The following EXOSC10 variants were observed in gnomAD, a reference collection of about 807,000 sequenced individuals.
EXOSC10 encodes the protein exosome complex component 10.
EXOSC10 carries 94 observed loss-of-function variants against 126.6 expected under a neutral mutation model. That is an observed-to-expected ratio of 0.74 (90% CI 0.63 to 0.88). The LOEUF (loss-of-function observed/expected upper bound fraction) is 0.88, where lower values mean the gene tolerates loss of function less well. EXOSC10 is among the 40% of genes least tolerant of loss of function. The pLI, the probability that EXOSC10 is intolerant of heterozygous loss-of-function variation, is 0.00. For missense variants in EXOSC10, 1,041 were observed against 1,100.5 expected (o/e 0.95, Z 0.77); for synonymous variants, 395 against 400.8 (o/e 0.99, Z 0.17).
chr1:11,075,354 T>C (rs1639750049), intron 17 of EXOSC10, among the ~76,000 whole-genome samples: 1 of 152,166 alleles, frequency 6.6e-6, no homozygotes. Flanking sequence ...TAGGGAATCA[T>C]TGAAATTATG....
In EXOSC10 at chr1:11,090,630, G is replaced by A. The variant is rs1362989620; in HGVS notation, c.682C>T (p.Pro228Ser). ...GCAGGGGGGACGTCCAAGTCCTCAG[G>A]ACGATCCTGTGGGCGTTCCCGCCTT... is the stretch of plus-strand genomic sequence containing the variant. The part of the protein sequence containing the change: ...KERRERPQDR[P>S]EDLDVPPALA... The change falls in exon 6 of 25, where the codon CCT (proline) becomes TCT (serine). Residue 228 changes from proline to serine, a missense_variant. Physicochemically the swap from Pro to Ser is moderately conservative, Grantham distance 74. Transcript: ENST00000376936. 1 of 1,613,642 alleles carries A rather than the reference G, an allele frequency of 6.2e-7. No homozygotes were observed. Among genetic ancestry groups the A allele is most frequent in the African/African-American group, 1.3e-5 (1 of 75,048 alleles).
At chr1:11,071,109 C>T in intron 20 of EXOSC10, 136 bp from the exon 21 acceptor site, 1 of 712,262 alleles carries the variant, frequency 1.4e-6, no homozygotes, top group South Asian at 1.7e-5. Flanking sequence ...GTCCCCGGTC[C>T]CCCATCTCTG....
chr1:11,077,061 G>A (rs1184652847), intron 16 of EXOSC10, 113 bp from the exon 17 acceptor site: 11 of 765,730 alleles, frequency 1.4e-5, no homozygotes, highest in Admixed American at 2.2e-5. Context: ...GCACAATCTC[G>A]GCTCACTGCA....
At position 11,069,678 on chromosome 1, in the gene EXOSC10, G is replaced by A; in HGVS notation, c.2369C>T (p.Thr790Ile). The A allele has an allele frequency of 6.2e-7, 1 of 1,613,510 alleles. No individual in the cohort carries two copies. The highest frequency in any genetic ancestry group is 1.1e-5 in the South Asian group (1 of 91,068). Residue 790 changes from threonine (T) to isoleucine (I), a missense_variant, in exon 22 of 25, where the codon ACA becomes ATA. This residue lies in a region of EXOSC10 where 388 missense variants were observed against 415.2 expected (regional missense o/e 0.93). Coordinates refer to ENST00000376936, the MANE Select transcript of EXOSC10 (RefSeq NM_001001998.3). ...TCGTTTCTTCTCTTGTTTCTGTTCTGTGGTCCTTGGGTCGCTTGTTGCTCG... is the reference window on the plus strand; with the variant it reads ...TCGTTTCTTCTCTTGTTTCTGTTCTATGGTCCTTGGGTCGCTTGTTGCTCG... Reference protein sequence around the residue: ...RERATSDPRTTEQKQEKKRLK... With the variant: ...RERATSDPRTIEQKQEKKRLK...
At chr1:11,070,315 C>T (rs918018083) in intron 21 of EXOSC10, among the ~76,000 whole-genome samples, 4 of 141,308 alleles carry the variant, frequency 2.8e-5, no homozygotes, top group African/African-American at 1.0e-4. Flanking sequence ...GTTAAGAATT[C>T]GAGTGATAGC....
rs1180322160 is a variant in EXOSC10 at position 11,087,546 on chromosome 1, T to C, written c.991A>G (p.Ile331Val). The C allele has an allele frequency of 6.8e-6, 11 of 1,613,868 alleles. No homozygotes were observed. The South Asian group carries it at 9.9e-5, about 15-fold the overall frequency. ...SFLGLTCLMQ[I>V]STRTEDFIID... Reference sequence around the variant, plus strand: ...ATGAAGTCTTCCGTCCGAGTAGAAATTTGCATCAGGCAGGTCAGTCCCAGG... The same window carrying C: ...ATGAAGTCTTCCGTCCGAGTAGAAACTTGCATCAGGCAGGTCAGTCCCAGG... The change falls in exon 9 of 25, where the codon ATT becomes GTT. Residue 331 changes from isoleucine to valine, a missense_variant. Around this residue, in one of 3 missense-constraint regions of EXOSC10, gnomAD observed 645 missense variants for 656.3 expected, o/e 0.98. Coordinates refer to ENST00000376936, the MANE Select transcript of EXOSC10 (RefSeq NM_001001998.3).
intron 13 of EXOSC10, 65 bp downstream of exon 13, chr1:11,080,434 T>C: frequency 6.3e-7 from 1 of 1,595,244 alleles, no homozygotes; most frequent in Non-Finnish European, 8.6e-7. Flanking sequence ...CCAGAAAAGC[T>C]TGATTTTGAA....
Position 11,088,184 on chromosome 1 carries a change from T to C in EXOSC10, c.773A>G (p.Tyr258Cys). Residue 258 changes from tyrosine to cysteine, a missense_variant, in exon 7 of 25, where the codon TAT becomes TGT. By Grantham distance (194) the Tyr-to-Cys change is radical. Transcript: ENST00000376936. Reference protein sequence around the residue: ...QVEQDMFAHPYQYELNHFTPA... With the variant: ...QVEQDMFAHPCQYELNHFTPA... The stretch of plus-strand genomic sequence containing the variant: ...GGTAAAGTGATTTAGTTCATATTGA[T>C]AAGGATGTGCAAACCTGAGTAAATA... 1.2e-6 allele frequency: 2 copies of C among 1,612,198 alleles called. No homozygotes were observed. Among genetic ancestry groups the C allele is most frequent in the Non-Finnish European group, 1.7e-6 (2 of 1,179,174 alleles).
Position 11,095,803 on chromosome 1 carries a change from C to T in EXOSC10, c.327G>A (p.Lys109=). The part of the protein sequence containing the change: ...DRSKVTELED[K]FDLLVDANDV... Reference sequence around the variant, plus strand: ...CATTGGCATCAACTAGTAAATCAAACTTGTCTTCCAGCTCAGTCACTTTAC... The same window carrying T: ...CATTGGCATCAACTAGTAAATCAAATTTGTCTTCCAGCTCAGTCACTTTAC... The change falls in exon 3 of 25, where the codon AAG becomes AAA. Residue 109 remains lysine, a synonymous_variant. Transcript: ENST00000376936. 6.2e-7 allele frequency: 1 copy of T among 1,614,162 alleles called. No individual in the cohort carries two copies.
intron 14 of EXOSC10, among the ~76,000 whole-genome samples, chr1:11,078,327 G>C (rs867102777): frequency 1.3e-5 from 2 of 150,640 alleles, no homozygotes; most frequent in Admixed American, 6.6e-5. Context: ...GCGGGATCTC[G>C]GCTCACTGCA....
In EXOSC10 at chr1:11,080,942, A is replaced by G. The variant is rs1363739488; in HGVS notation, c.1438-30T>C. ...AAAGTATTAGAGAACATTCAAAATC[A>G]ACGGGAATCAAAATTGTGCCCTGGG... On this transcript the variant is annotated intron_variant, in intron 11 of 24. Transcript: ENST00000376936. The G allele has an allele frequency of 2.5e-6, 4 of 1,585,914 alleles. No individual in the cohort carries two copies. The Admixed American group carries it at 7.3e-5, about 29-fold the overall frequency.
intron 9 of EXOSC10, among the ~76,000 whole-genome samples, chr1:11,085,176 T>C (rs1640421990): frequency 6.6e-6 from 1 of 152,246 alleles, no homozygotes; most frequent in Non-Finnish European, 1.5e-5. Context: ...AAGTCATTGG[T>C]AGCTTGATGG....
intron 6 of EXOSC10, among the ~76,000 whole-genome samples, chr1:11,089,996 CTTT>C (rs70977545): frequency 2.5e-4 from 27 of 106,450 alleles, no homozygotes; most frequent in Admixed American, 3.0e-4. Context: ...GCTTTTACAT[CTTT>C]TTTTTTTTTT....
intron 7 of EXOSC10, 61 bp from the exon 8 acceptor site, chr1:11,087,971 C>A: frequency 7.8e-7 from 1 of 1,281,826 alleles, no homozygotes; most frequent in Non-Finnish European, 1.1e-6. Flanking sequence ...CAGTAAAGTA[C>A]AAAGTGAACT....
At chr1:11,089,005 G>A (rs1640648370) in intron 6 of EXOSC10, among the ~76,000 whole-genome samples, 2 of 152,054 alleles carry the variant, frequency 1.3e-5, no homozygotes, top group Non-Finnish European at 1.5e-5. Context: ...AGGACTGCTT[G>A]AGGCCAGGAG....
chr1:11,074,419 T>A (rs2100961452), intron 17 of EXOSC10, 93 bp from the exon 18 acceptor site: 1 of 923,178 alleles, frequency 1.1e-6, no homozygotes. Flanking sequence ...AGTGATTTTT[T>A]TTTTTTTTCT....
chr1:11,097,917 C>A, intron 2 of EXOSC10, 103 bp downstream of exon 2: 1 of 1,204,398 alleles, frequency 8.3e-7, no homozygotes, highest in Non-Finnish European at 1.1e-6. Flanking sequence ...GCTCTTCATA[C>A]CACAGAAAAT....
intron 2 of EXOSC10, among the ~76,000 whole-genome samples, chr1:11,096,940 G>A (rs1473997809): frequency 2.0e-5 from 3 of 151,980 alleles, no homozygotes; most frequent in Non-Finnish European, 2.9e-5. Context: ...CTGGCTAGGC[G>A]CAGTGGCTTA....
intron 6 of EXOSC10, among the ~76,000 whole-genome samples, chr1:11,088,410 A>T (rs1640618945): frequency 6.6e-6 from 1 of 152,200 alleles, no homozygotes; most frequent in Non-Finnish European, 1.5e-5. Context: ...TAAGTCTATT[A>T]ATTTCTTTAG....
Sources: allele counts gnomAD v4.1 joint callset (sites outside exome capture counted in the v4.1 genomes callset), GRCh38; gene constraint gnomAD v4.1.1; regional missense constraint gnomAD v4.1.1; transcripts MANE v1.5; gene names NCBI Gene and HGNC (gene_info 2026-07-23, HGNC 2026-07-21).